Variants in GPC1 observed in about 807,000 individuals in gnomAD.
GPC1 encodes the protein glypican 1, also known as glypican-1.
GPC1 carries 26 observed loss-of-function variants against 51.5 expected under a neutral mutation model. The observed-to-expected ratio is 0.50, with a 90% CI of 0.37 to 0.70. The LOEUF (loss-of-function observed/expected upper bound fraction) is 0.70, where lower values mean the gene tolerates loss of function less well. Among genes scored for constraint, GPC1 ranks in the 30% least tolerant of loss-of-function variants. GPC1 has a pLI of 0.00. For missense variants in GPC1, 775 were observed against 800.5 expected, an observed-to-expected ratio of 0.97 and a Z score of 0.38; for synonymous variants, 380 against 348.3, an observed-to-expected ratio of 1.09 and a Z score of -1.01.
At chr2:240,454,348 G>A (rs958609997) in intron 1 of GPC1, among the ~76,000 whole-genome samples, 1 of 152,180 alleles carries the variant, frequency 6.6e-6, no homozygotes, top group Non-Finnish European at 1.5e-5. Context: ...TTTGTCCAGT[G>A]CACCCTCACC....
At chr2:240,450,652 C>T (rs762905598) in intron 1 of GPC1, 15 of 470,622 alleles carry the variant, frequency 3.2e-5, no homozygotes, top group Admixed American at 9.4e-5. Context: ...CGTCGAGCCC[C>T]GTGCTTCCTC....
intron 1 of GPC1, among the ~76,000 whole-genome samples, chr2:240,447,817 C>T (rs1314181231): frequency 6.6e-6 from 1 of 152,150 alleles, no homozygotes; most frequent in Non-Finnish European, 1.5e-5. Flanking sequence ...AGAAGGTGGG[C>T]TGTGGATGAG....
intron 1 of GPC1, among the ~76,000 whole-genome samples, chr2:240,439,790 G>C (rs2074006448): frequency 6.6e-6 from 1 of 152,230 alleles, no homozygotes; most frequent in Non-Finnish European, 1.5e-5. Flanking sequence ...GTCCTGTCCA[G>C]GTGGCTCAGC....
chr2:240,439,674 G>T (rs56192488), intron 1 of GPC1, among the ~76,000 whole-genome samples: 3,450 of 152,252 alleles, frequency 0.023, 125 homozygotes, highest in African/African-American at 0.077. Flanking sequence ...TTCCGGCTGG[G>T]CCCGGGAGAG....
chr2:240,465,358 T>G lies in GPC1; in HGVS notation c.1269-115T>G, dbSNP rs940636423. 2.2e-6 allele frequency: 3 copies of G among 1,348,272 alleles called. No homozygotes were observed. In the African/African-American group the frequency reaches 4.3e-5, roughly 19 times the overall value. 83.5% of individuals were successfully genotyped at this position (1,348,272 alleles called of 1,614,324 possible). ...TGCGGCCTGTGTGGGCTCTGCTCGG[T>G]CCCTGGAAGCTGCTGGGCATCTCAG... On this transcript the variant is annotated intron_variant, in intron 7 of 8. Coordinates refer to ENST00000264039, the MANE Select transcript of GPC1 (RefSeq NM_002081.3).
chr2:240,448,371 GGGTGTAGATAGTCCCTGCCAGGCAGTCCA>G lies in GPC1; in HGVS notation c.167-10650_167-10622del, dbSNP rs1574760850. Among the ~76,000 whole-genome samples the G allele has an allele frequency of 6.6e-6, 1 of 151,644 alleles. No individual in the cohort carries two copies. Among genetic ancestry groups the G allele is most frequent in the Admixed American group, 6.6e-5 (1 of 15,256 alleles). ...CATCCCTCTGTCTGCCAGGCAGTCC[GGGTGTAGATAGTCCCTGCCAGGCAGTCCA>G]GGTGTAGACAGTCCCTGCCAGGCAG... is the stretch of plus-strand genomic sequence containing the variant. On this transcript the variant is annotated intron_variant, in intron 1 of 8. Transcript: ENST00000264039. This position sits in a 1 kb window ranked among gnomAD's most constrained non-coding sequence, Gnocchi z 4.5.
intron 1 of GPC1, chr2:240,453,002 T>C (rs1226176214): frequency 5.7e-6 from 2 of 351,710 alleles, no homozygotes; most frequent in African/African-American, 4.7e-5. Context: ...CCGGAGCCGC[T>C]GGAGCCGCCG....
chr2:240,441,348 A>T (rs2074015513), intron 1 of GPC1, among the ~76,000 whole-genome samples: 1 of 152,198 alleles, frequency 6.6e-6, no homozygotes, highest in Non-Finnish European at 1.5e-5. Context: ...CCGAAGCCAC[A>T]CTGGTCAGGT....
intron 1 of GPC1, among the ~76,000 whole-genome samples, chr2:240,443,316 G>T (rs1574757166): frequency 6.6e-6 from 1 of 152,390 alleles, no homozygotes; most frequent in Non-Finnish European, 1.5e-5. Flanking sequence ...GGGCGGGGAG[G>T]CAGTGGGACT....
intron 2 of GPC1, among the ~76,000 whole-genome samples, chr2:240,460,489 C>T (rs914668575): frequency 6.6e-6 from 1 of 152,188 alleles, no homozygotes; most frequent in Non-Finnish European, 1.5e-5. Flanking sequence ...CAGCCCTGCC[C>T]CTTCCCCTCT....
intron 1 of GPC1, among the ~76,000 whole-genome samples, chr2:240,446,330 G>A (rs2074050456): frequency 6.6e-6 from 1 of 152,282 alleles, no homozygotes; most frequent in Non-Finnish European, 1.5e-5. Flanking sequence ...GCTGTTCTGG[G>A]TGCTGAAACG....
chr2:240,437,385 C>T (rs1026982699), intron 1 of GPC1, among the ~76,000 whole-genome samples: 4 of 152,046 alleles, frequency 2.6e-5, no homozygotes, highest in African/African-American at 4.8e-5. Context: ...TGTAAGGGCC[C>T]CCTGACCGCC....
intron 1 of GPC1, chr2:240,458,127 G>A (rs774402816): frequency 1.5e-5 from 7 of 459,198 alleles, no homozygotes; most frequent in East Asian, 7.1e-5. Flanking sequence ...TGTAAGCCCC[G>A]GTTTTCTGGT....
In GPC1 at chr2:240,462,520, G is replaced by A; in HGVS notation, c.655G>A (p.Ala219Thr). 6.3e-7 allele frequency: 1 copy of A among 1,583,356 alleles called. No individual in the cohort carries two copies. The highest frequency in any genetic ancestry group is 8.6e-7 in the Non-Finnish European group (1 of 1,166,168). Residue 219 changes from alanine (A) to threonine (T), a missense_variant, in exon 3 of 9, where the codon GCT (alanine) becomes ACT (threonine). By Grantham distance (58) the Ala-to-Thr change is moderately conservative. Coordinates refer to ENST00000264039, the MANE Select transcript of GPC1 (RefSeq NM_002081.3). ...LRLRATRAFV[A>T]ARSFVQGLGV... ...CCTGCGGGCCACCCGTGCCTTCGTG[G>A]CTGCTCGCTCCTTTGTGCAGGGCCT...
rs2074225379 is a variant in GPC1 at position 240,462,485 on chromosome 2, G to T, written c.620G>T (p.Arg207Ile). The T allele has an allele frequency of 6.2e-7, 1 of 1,601,022 alleles. No individual in the cohort carries two copies. Among genetic ancestry groups the T allele is most frequent in the African/African-American group, 1.3e-5 (1 of 74,682 alleles). The change falls in exon 3 of 9, where the codon AGA (arginine) becomes ATA (isoleucine). Residue 207 changes from arginine (R) to isoleucine (I), a missense_variant. Coordinates refer to ENST00000264039, the MANE Select transcript of GPC1 (RefSeq NM_002081.3). ...CTGCGGCCCTTCGGGGAGGCCCCGAGAGAGCTGCGCCTGCGGGCCACCCGT... is the reference window on the plus strand; with the variant it reads ...CTGCGGCCCTTCGGGGAGGCCCCGATAGAGCTGCGCCTGCGGGCCACCCGT... ...EALRPFGEAP[R>I]ELRLRATRAF...
In GPC1 at chr2:240,448,742, A is replaced by G. The variant is rs7599776; in HGVS notation, c.167-10288A>G. ...GGTGGGCTGTGTGACCAGCAGCGTG[A>G]CCGGCAGTTATCCCTCCCCGGACGT... On this transcript the variant is annotated intron_variant, in intron 1 of 8. Transcript: ENST00000264039. The surrounding 1 kb of genome is among the most constrained non-coding windows in gnomAD (Gnocchi z 4.5). 0.83 allele frequency among the ~76,000 whole-genome samples: 126,253 copies of G among 151,210 alleles called. 53,888 individuals are homozygous for G. The highest frequency in any genetic ancestry group is 0.96 in the African/African-American group (39,749 of 41,228).
chr2:240,449,987 T>G, intron 1 of GPC1: 1 of 457,050 alleles, frequency 2.2e-6, no homozygotes, highest in South Asian at 1.6e-5. Context: ...CTTCCGGCTC[T>G]GGTGAATAAT....
intron 1 of GPC1, among the ~76,000 whole-genome samples, chr2:240,441,813 C>T (rs1327916728): frequency 6.6e-6 from 1 of 152,200 alleles, no homozygotes; most frequent in African/African-American, 2.4e-5. Context: ...GTTCTCCCTC[C>T]ACCTCCAGGC....
chr2:240,453,267 A>C (rs1227798390), intron 1 of GPC1, among the ~76,000 whole-genome samples: 1 of 16,584 alleles, frequency 6.0e-5, no homozygotes, highest in African/African-American at 3.0e-4. Flanking sequence ...AGCTGCACCT[A>C]CCCCTACCCC....
Sources: allele counts gnomAD v4.1 joint callset (sites outside exome capture counted in the v4.1 genomes callset), GRCh38; gene constraint gnomAD v4.1.1; non-coding constraint Gnocchi (gnomAD v3.1); transcripts MANE v1.5; gene names NCBI Gene and HGNC (gene_info 2026-07-23, HGNC 2026-07-21).